Variants in ZNF385D observed in about 807,000 individuals in gnomAD.
ZNF385D encodes zinc finger protein 385D, also known as zinc finger protein 659.
Under a neutral mutation model 35.8 loss-of-function variants are expected in ZNF385D, and 15 were observed. That is an observed-to-expected ratio of 0.42 (90% CI 0.28 to 0.64). The LOEUF (loss-of-function observed/expected upper bound fraction) is 0.64. Among genes scored for constraint, ZNF385D ranks in the 30% least tolerant of loss-of-function variants. ZNF385D has a pLI of 0.23. For synonymous variants in ZNF385D, 212 were observed against 186.8 expected, an observed-to-expected ratio of 1.13 and a Z score of -1.10; for missense variants, 474 against 494.6, an observed-to-expected ratio of 0.96 and a Z score of 0.39.
chr3:21,658,841 A>G (rs2066151834), intron 2 of ZNF385D, among the ~76,000 whole-genome samples: 1 of 152,050 alleles, frequency 6.6e-6, no homozygotes, highest in Non-Finnish European at 1.5e-5. Context: ...TTCTTTATAG[A>G]ATGATTTAAC....
At chr3:21,916,416 T>C (rs1164496065) in intron 3 of ZNF385D, among the ~76,000 whole-genome samples, 3 of 152,178 alleles carry the variant, frequency 2.0e-5, no homozygotes, top group Non-Finnish European at 4.4e-5. Flanking sequence ...TAATGCATAT[T>C]TTAACTTTTA....
chr3:22,248,459 G>A (rs1699902804), intron 2 of ZNF385D, among the ~76,000 whole-genome samples: 1 of 152,106 alleles, frequency 6.6e-6, no homozygotes, highest in African/African-American at 2.4e-5. Context: ...TATAGAGTGA[G>A]GCAGAATATT....
intron 2 of ZNF385D, among the ~76,000 whole-genome samples, chr3:21,616,068 G>T (rs1251469350): frequency 6.6e-6 from 1 of 151,982 alleles, no homozygotes; most frequent in African/African-American, 2.4e-5. Context: ...TAAATAAGCT[G>T]AAATCTATTA....
chr3:21,940,261 G>A (rs1189696891), intron 3 of ZNF385D, among the ~76,000 whole-genome samples: 1 of 152,050 alleles, frequency 6.6e-6, no homozygotes, highest in African/African-American at 2.4e-5. Context: ...AGCAAAAAAA[G>A]TGTTTATGGA....
chr3:21,786,114 G>A (rs2071679130), intron 3 of ZNF385D, among the ~76,000 whole-genome samples: 2 of 151,950 alleles, frequency 1.3e-5, no homozygotes, highest in Admixed American at 1.3e-4. Flanking sequence ...GGTTCTCAGA[G>A]GTTCATAAAC....
chr3:22,346,648 A>G (rs116239194), intron 2 of ZNF385D, among the ~76,000 whole-genome samples: 1,592 of 152,258 alleles, frequency 0.01, 27 homozygotes, highest in African/African-American at 0.036. Context: ...CTTAACTACC[A>G]TTTGCCTTTT....
chr3:21,946,402 A>C (rs1177363559), intron 3 of ZNF385D, among the ~76,000 whole-genome samples: 1 of 152,212 alleles, frequency 6.6e-6, no homozygotes, highest in Non-Finnish European at 1.5e-5. Context: ...GTTTGTAGGC[A>C]TTGCAAAGTT....
intron 2 of ZNF385D, among the ~76,000 whole-genome samples, chr3:21,592,557 C>CAAAAAAA (rs67997432): frequency 1.7e-5 from 2 of 114,864 alleles, no homozygotes; most frequent in Admixed American, 8.5e-5. Context: ...AAAAAAAAAC[C>CAAAAAAA]AAAAACAAAA....
intron 3 of ZNF385D, among the ~76,000 whole-genome samples, chr3:21,887,557 G>A (rs1036900936): frequency 2.6e-5 from 4 of 151,986 alleles, no homozygotes; most frequent in African/African-American, 9.7e-5. Flanking sequence ...TATTAGGGAG[G>A]CAAATGGTAA....
chr3:21,569,999 T>C (rs1184201495), intron 2 of ZNF385D, among the ~76,000 whole-genome samples: 1 of 151,560 alleles, frequency 6.6e-6, no homozygotes, highest in African/African-American at 2.4e-5. Context: ...ATGGCACATG[T>C]ATACATACGT....
chr3:21,581,976 A>G (rs533284513), intron 2 of ZNF385D, among the ~76,000 whole-genome samples: 1 of 152,284 alleles, frequency 6.6e-6, no homozygotes, highest in Non-Finnish European at 1.5e-5. Flanking sequence ...TTTTTACCAG[A>G]TGTTTCCAAA....
At chr3:21,698,695 T>G (rs1189706409) in intron 1 of ZNF385D, among the ~76,000 whole-genome samples, 1 of 151,802 alleles carries the variant, frequency 6.6e-6, no homozygotes, top group African/African-American at 2.4e-5. Context: ...GAACTGACAC[T>G]TCTCAAAAGA....
rs10627614 is a variant in ZNF385D, at chr3:22,066,461, CGTGTGTGTGT to C, written c.325+102346_325+102355del. ...AAAGATACTGGGTGAGATGGTTCCC[CGTGTGTGTGT>C]GTGTGTGTGTGTGTGTGTGTGTATG... On this transcript the variant is annotated intron_variant, in intron 3 of 5. Coordinates refer to the ZNF385D transcript ENST00000494108. Among the ~76,000 whole-genome samples the C allele has an allele frequency of 1.3e-4, 13 of 98,190 alleles. No individual in the cohort carries two copies. The East Asian group carries it at 1.9e-3, about 14-fold the overall frequency. The allele number at this position is 98,190 out of a possible 152,430, so 64.4% of individuals were successfully genotyped here.
At chr3:21,931,821 A>G (rs1442713351) in intron 3 of ZNF385D, among the ~76,000 whole-genome samples, 1 of 152,114 alleles carries the variant, frequency 6.6e-6, no homozygotes, top group East Asian at 1.9e-4. Flanking sequence ...CACTTAAGTG[A>G]GTCAGTTTTA....
chr3:22,031,343 C>T (rs1697989394), intron 3 of ZNF385D, among the ~76,000 whole-genome samples: 1 of 152,256 alleles, frequency 6.6e-6, no homozygotes, highest in Admixed American at 6.5e-5. Context: ...CTGCAGCAGG[C>T]TTCTGTCTGG....
chr3:21,508,612 T>A (rs998516187), intron 4 of ZNF385D, among the ~76,000 whole-genome samples: 2 of 152,184 alleles, frequency 1.3e-5, no homozygotes, highest in Non-Finnish European at 2.9e-5. Context: ...AAATCCTCAG[T>A]ATAAAATGTT....
intron 3 of ZNF385D, among the ~76,000 whole-genome samples, chr3:22,130,504 T>A (rs1703716710): frequency 6.6e-6 from 1 of 152,130 alleles, no homozygotes; most frequent in South Asian, 2.1e-4. Context: ...TCCCCTTGGG[T>A]AGCGCTGGTC....
At chr3:21,949,397 G>T (rs1489660970) in intron 3 of ZNF385D, among the ~76,000 whole-genome samples, 3 of 151,764 alleles carry the variant, frequency 2.0e-5, no homozygotes, top group African/African-American at 7.3e-5. Flanking sequence ...CCATCGGTTG[G>T]GGTGGCTATC....
At chr3:22,319,555 G>T (rs561993437) in intron 2 of ZNF385D, among the ~76,000 whole-genome samples, 1 of 152,128 alleles carries the variant, frequency 6.6e-6, no homozygotes, top group Admixed American at 6.5e-5. Context: ...AGAATCAAAA[G>T]ATGTCTCATT....
Sources: gnomAD v4.1 joint callset for allele counts (sites outside exome capture counted in the v4.1 genomes callset) on GRCh38, gnomAD v4.1.1 for gene constraint, MANE v1.5 for transcripts, NCBI Gene and HGNC (gene_info 2026-07-23, HGNC 2026-07-21) for gene names.